The following TNFRSF25 variants were observed in gnomAD, a reference collection of about 807,000 sequenced individuals.
TNFRSF25 encodes tumor necrosis factor receptor superfamily member 25.
Under a neutral mutation model 49.4 loss-of-function variants are expected in TNFRSF25, and 28 were observed. The ratio of observed to expected loss-of-function variants is 0.57; its 90% confidence interval spans 0.42 to 0.78. The LOEUF (loss-of-function observed/expected upper bound fraction) is 0.78. Ranked by LOEUF, TNFRSF25 falls within the 30% of genes least tolerant of loss-of-function variation. The probability of loss-of-function intolerance (pLI) is 0.00; values close to 1 mark genes in which losing one functional copy is unlikely to be tolerated. For missense variants in TNFRSF25, 531 were observed against 581.6 expected (o/e 0.91, Z 0.90); for synonymous variants, 240 against 234.2 (o/e 1.02, Z -0.23).
rs763359221 is a variant in TNFRSF25 at position 6,461,605 on chromosome 1, G to T, written c.1083C>A (p.Ile361=). The T allele has an allele frequency of 1.2e-6, 2 of 1,610,044 alleles. No individual in the cohort carries two copies. Among genetic ancestry groups the T allele is most frequent in the East Asian group, 2.2e-5 (1 of 44,862 alleles). ...GGCCGATCTCCACCTCCACGGCTTC[G>T]ATCTCTGCCTCGCGCAGCCCCAGCG... ...VRTLGLREAE[I]EAVEVEIGRF... is the part of the protein sequence containing the mutation. Residue 361 remains isoleucine (I), a synonymous_variant, in exon 10 of 10, where the codon ATC becomes ATA. Coordinates refer to ENST00000356876, the MANE Select transcript of TNFRSF25 (RefSeq NM_003790.3). This position sits in a 1 kb window ranked among gnomAD's most constrained non-coding sequence, Gnocchi z 6.3.
chr1:6,462,740 AG>A lies in TNFRSF25; in HGVS notation c.707-75del. The stretch of plus-strand genomic sequence containing the variant: ...ACCTGGGTGCTGGTACAGCTCCTCT[AG>A]GGTTCCTCTGCACCCCACACTCCCT... On this transcript the variant is annotated intron_variant, in intron 7 of 9. Coordinates refer to ENST00000356876, the MANE Select transcript of TNFRSF25 (RefSeq NM_003790.3). This position sits in a 1 kb window ranked among gnomAD's most constrained non-coding sequence, Gnocchi z 4.2. 6.3e-7 allele frequency: 1 copy of A among 1,594,778 alleles called. No individual in the cohort carries two copies. Among genetic ancestry groups the A allele is most frequent in the Non-Finnish European group, 8.5e-7 (1 of 1,170,262 alleles).
At position 6,465,179 on chromosome 1, in the gene TNFRSF25, G is replaced by A. The variant is rs1312362010; in HGVS notation, c.204C>T (p.Ser68=). 2 of 1,613,564 alleles carry A rather than the reference G, an allele frequency of 1.2e-6. No individual in the cohort carries two copies. The highest frequency in any genetic ancestry group is 1.7e-6 in the Non-Finnish European group (2 of 1,179,950). The change falls in exon 3 of 10, where the codon TCC becomes TCT. Residue 68 remains serine (S), a synonymous_variant. Coordinates refer to ENST00000356876, the MANE Select transcript of TNFRSF25 (RefSeq NM_003790.3). The stretch of plus-strand genomic sequence containing the variant: ...TGTCTTGGGGACACACAAGGCAGGT[G>A]GAGTTGCCGCAGGGCTCCGTGCAAG... ...KAPCTEPCGN[S]TCLVCPQDTF... is the part of the protein sequence containing the mutation.
At chr1:6,464,238 C>T in intron 5 of TNFRSF25, 137 bp downstream of exon 5, 1 of 1,495,704 alleles carries the variant, frequency 6.7e-7, no homozygotes, top group Non-Finnish European at 8.9e-7. Flanking sequence ...TGAAGTGGGG[C>T]CCACCCATCA....
At chr1:6,465,289 C>G in intron 2 of TNFRSF25, 67 bp from the exon 3 acceptor site, 1 of 1,558,390 alleles carries the variant, frequency 6.4e-7, no homozygotes, top group Non-Finnish European at 8.7e-7. Context: ...TGCTTCCCAC[C>G]CTGCCCTCCC....
intron 5 of TNFRSF25, chr1:6,463,776 C>T (rs868654848): frequency 3.4e-5 from 5 of 145,514 alleles, no homozygotes; most frequent in Admixed American, 2.1e-4. Context: ...TACAGAAAGT[C>T]CCTTACCTCT....
chr1:6,462,843 G>T lies in TNFRSF25; in HGVS notation c.706+20C>A, dbSNP rs542789265. The T allele has an allele frequency of 6.3e-7, 1 of 1,595,984 alleles. No individual in the cohort carries two copies. The highest frequency in any genetic ancestry group is 1.1e-5 in the South Asian group (1 of 88,872). Reference sequence around the variant, plus strand: ...CCTGACCCCAGGCTTCTGGGTGCGTGTGTGGGTGTGTGTACTTACCAGTAA... The same window carrying T: ...CCTGACCCCAGGCTTCTGGGTGCGTTTGTGGGTGTGTGTACTTACCAGTAA... On this transcript the variant is annotated intron_variant, in intron 7 of 9. Coordinates refer to ENST00000356876, the MANE Select transcript of TNFRSF25 (RefSeq NM_003790.3). The surrounding 1 kb of genome is among the most constrained non-coding windows in gnomAD (Gnocchi z 4.2).
chr1:6,461,593 C>T lies in TNFRSF25; in HGVS notation c.1095G>A (p.Glu365=). Residue 365 remains glutamate, a synonymous_variant, in exon 10 of 10, where the codon GAG becomes GAA. Transcript: ENST00000356876. This position sits in a 1 kb window ranked among gnomAD's most constrained non-coding sequence, Gnocchi z 6.3. The stretch of plus-strand genomic sequence containing the variant: ...GGTCTCGGAAGCGGCCGATCTCCAC[C>T]TCCACGGCTTCGATCTCTGCCTCGC... ...GLREAEIEAV[E]VEIGRFRDQQ... 6.2e-7 allele frequency: 1 copy of T among 1,610,588 alleles called. No homozygotes were observed. Among genetic ancestry groups the T allele is most frequent in the South Asian group, 1.1e-5 (1 of 91,026 alleles).
At position 6,461,679 on chromosome 1, in the gene TNFRSF25, C is replaced by T. The variant is rs752686652; in HGVS notation, c.1009G>A (p.Asp337Asn). The change falls in exon 10 of 10, where the codon GAC (aspartate) becomes AAC (asparagine). Residue 337 changes from aspartate (D) to asparagine (N), a missense_variant. Coordinates refer to ENST00000356876, the MANE Select transcript of TNFRSF25 (RefSeq NM_003790.3). This position sits in a 1 kb window ranked among gnomAD's most constrained non-coding sequence, Gnocchi z 6.3. Reference sequence around the variant, plus strand: ...CGCGCTGGGACCGCGTCCATCACGTCGTAGAGCTGCGGGCCCGGCTGCAGC... The same window carrying T: ...CGCGCTGGGACCGCGTCCATCACGTTGTAGAGCTGCGGGCCCGGCTGCAGC... ...MMLQPGPQLYDVMDAVPARRW... is the reference protein window; with the variant it reads ...MMLQPGPQLYNVMDAVPARRW... 1.9e-6 allele frequency: 3 copies of T among 1,587,836 alleles called. No homozygotes were observed. Among genetic ancestry groups the T allele is most frequent in the African/African-American group, 2.7e-5 (2 of 74,586 alleles).
rs370819165 is a variant in TNFRSF25, at chr1:6,462,689, G to A, written c.707-23C>T. 115 of 1,612,344 alleles carry A rather than the reference G, an allele frequency of 7.1e-5. No individual in the cohort carries two copies. Among genetic ancestry groups the A allele is most frequent in the Non-Finnish European group, 9.0e-5 (106 of 1,179,188 alleles). ...CTGCTGACAGACACAGAGAGATTGC[G>A]GTCAGCCACCAGGCAAGCCTCCTGG... On this transcript the variant is annotated intron_variant, in intron 7 of 9. Coordinates refer to ENST00000356876, the MANE Select transcript of TNFRSF25 (RefSeq NM_003790.3). This position sits in a 1 kb window ranked among gnomAD's most constrained non-coding sequence, Gnocchi z 4.2.
At position 6,462,779 on chromosome 1, in the gene TNFRSF25, C is replaced by A; in HGVS notation, c.706+84G>T. 1 of 1,567,716 alleles carries A rather than the reference C, an allele frequency of 6.4e-7. No homozygotes were observed. Among genetic ancestry groups the A allele is most frequent in the South Asian group, 1.2e-5 (1 of 84,302 alleles). On this transcript the variant is annotated intron_variant, in intron 7 of 9. Transcript: ENST00000356876. This position sits in a 1 kb window ranked among gnomAD's most constrained non-coding sequence, Gnocchi z 4.2. ...CCCCACACTCCCTGCCTCAGTTTCC[C>A]CTTCTGTATCAGGGTTGAGTAGACT...
chr1:6,465,442 G>T lies in TNFRSF25; in HGVS notation c.158C>A (p.Ala53Glu). Residue 53 changes from alanine to glutamate, a missense_variant and splice_region_variant, in exon 2 of 10, where the codon GCG (alanine) becomes GAG (glutamate). Ala to Glu is a moderately radical substitution (Grantham distance 107, BLOSUM62 -1). Transcript: ENST00000356876. Reference protein sequence around the residue: ...IGLFCCRGCPAGHYLKAPCTE... With the variant: ...IGLFCCRGCPEGHYLKAPCTE... ...CTCCCACCCCTGTGGCCACTTACCC[G>T]CTGGGCAGCCTCTGCAACAAAACAG... 11 of 1,613,866 alleles carry T rather than the reference G, an allele frequency of 6.8e-6. No homozygotes were observed. Among genetic ancestry groups the T allele is most frequent in the Non-Finnish European group, 9.3e-6 (11 of 1,179,986 alleles).
Position 6,461,779 on chromosome 1 carries a change from G to T in TNFRSF25, c.926-17C>A. The T allele has an allele frequency of 6.7e-7, 1 of 1,502,738 alleles. No homozygotes were observed. The highest frequency in any genetic ancestry group is 8.9e-7 in the Non-Finnish European group (1 of 1,127,158). 93.1% of individuals were successfully genotyped at this position (1,502,738 alleles called of 1,614,324 possible). A position where few individuals can be genotyped will look rare whatever the true frequency, so the allele number is the denominator to read the frequency against. The stretch of plus-strand genomic sequence containing the variant: ...CAGCGGGGCCTGGGGCAGGGCCAGA[G>T]AGAGCCAATTGGGGTACGTGGGCCG... On this transcript the variant is annotated splice_polypyrimidine_tract_variant and intron_variant, in intron 9 of 9. Coordinates refer to ENST00000356876, the MANE Select transcript of TNFRSF25 (RefSeq NM_003790.3). The surrounding 1 kb of genome is among the most constrained non-coding windows in gnomAD (Gnocchi z 6.3).
intron 5 of TNFRSF25, chr1:6,463,454 C>T (rs71539702): frequency 8.0e-5 from 27 of 336,626 alleles, no homozygotes; most frequent in East Asian, 7.5e-4. Context: ...AGGCCGGGCG[C>T]GGTGGCTCAT....
In TNFRSF25 at chr1:6,464,683, G is replaced by A; in HGVS notation, c.332C>T (p.Ala111Val). The A allele has an allele frequency of 6.2e-7, 1 of 1,613,986 alleles. No individual in the cohort carries two copies. The highest frequency in any genetic ancestry group is 8.5e-7 in the Non-Finnish European group (1 of 1,180,034). ...QVALENCSAVADTRCGCKPGW... is the reference protein window; with the variant it reads ...QVALENCSAVVDTRCGCKPGW... Reference sequence around the variant, plus strand: ...TGGCTTACAGCCACAGCGGGTGTCGGCCACTGCTGAACAGTTCTCCAGCGC... The same window carrying A: ...TGGCTTACAGCCACAGCGGGTGTCGACCACTGCTGAACAGTTCTCCAGCGC... Residue 111 changes from alanine (A) to valine (V), a missense_variant, in exon 4 of 10, where the codon GCC becomes GTC. Transcript: ENST00000356876.
chr1:6,465,382 C>G, intron 2 of TNFRSF25, 58 bp downstream of exon 2: 1 of 1,609,026 alleles, frequency 6.2e-7, no homozygotes, highest in East Asian at 2.2e-5. Context: ...CCCGGGCCTG[C>G]CCGCCACCTC....
intron 5 of TNFRSF25, 133 bp from the exon 6 acceptor site, chr1:6,463,260 T>A (rs538234813): frequency 2.4e-6 from 2 of 823,850 alleles, no homozygotes; most frequent in Non-Finnish European, 3.8e-6. Context: ...AGAATGTTCC[T>A]GTCATTGTGT....
chr1:6,461,536 C>T lies in TNFRSF25; in HGVS notation c.1152G>A (p.Gln384=), dbSNP rs1418190461. ...QQYEMLKRWR[Q]QQPAGLGAVY... Reference sequence around the variant, plus strand: ...CGGCTCCGAGGCCCGCGGGCTGCTGCTGGCGCCAGCGCTTGAGCATCTCGT... The same window carrying T: ...CGGCTCCGAGGCCCGCGGGCTGCTGTTGGCGCCAGCGCTTGAGCATCTCGT... The change falls in exon 10 of 10, where the codon CAG becomes CAA. Residue 384 remains glutamine (Q), a synonymous_variant. Coordinates refer to ENST00000356876, the MANE Select transcript of TNFRSF25 (RefSeq NM_003790.3). The surrounding 1 kb of genome is among the most constrained non-coding windows in gnomAD (Gnocchi z 6.3). 1.2e-6 allele frequency: 2 copies of T among 1,607,822 alleles called. No homozygotes were observed. Among genetic ancestry groups the T allele is most frequent in the Non-Finnish European group, 8.5e-7 (1 of 1,178,852 alleles).
rs1644192096 is a variant in TNFRSF25 at position 6,462,071 on chromosome 1, G to C, written c.848C>G (p.Pro283Arg). ...TVQLVGNSWT[P>R]GYPETQEALC... ...CGCCTCCTGGGTCTCGGGGTAGCCAGGGGTCCAGCTGTTACCCACCAACTG... is the reference window on the plus strand; with the variant it reads ...CGCCTCCTGGGTCTCGGGGTAGCCACGGGTCCAGCTGTTACCCACCAACTG... Residue 283 changes from proline (P) to arginine (R), a missense_variant, in exon 9 of 10, where the codon CCT (proline) becomes CGT (arginine). Physicochemically the swap from Pro to Arg is moderately radical, Grantham distance 103. Coordinates refer to ENST00000356876, the MANE Select transcript of TNFRSF25 (RefSeq NM_003790.3). This position sits in a 1 kb window ranked among gnomAD's most constrained non-coding sequence, Gnocchi z 4.2. The C allele has an allele frequency of 1.9e-6, 3 of 1,613,744 alleles. No homozygotes were observed. The highest frequency in any genetic ancestry group is 2.2e-5 in the South Asian group (2 of 91,076).
Position 6,463,060 on chromosome 1 carries a change from C to T in TNFRSF25, c.598+12G>A. The T allele has an allele frequency of 2.6e-6, 4 of 1,552,048 alleles. No individual in the cohort carries two copies. Among genetic ancestry groups the T allele is most frequent in the Non-Finnish European group, 3.5e-6 (4 of 1,147,180 alleles). On this transcript the variant is annotated intron_variant, in intron 6 of 9. Transcript: ENST00000356876. Reference sequence around the variant, plus strand: ...CCAGTTCTCCCACTCGCATTCCCAGCACACCACCTACTCTGCCTCCAGCCA... The same window carrying T: ...CCAGTTCTCCCACTCGCATTCCCAGTACACCACCTACTCTGCCTCCAGCCA...
Sources: allele counts gnomAD v4.1 joint callset, GRCh38; gene constraint gnomAD v4.1.1; non-coding constraint Gnocchi (gnomAD v3.1); transcripts MANE v1.5; gene names NCBI Gene and HGNC (gene_info 2026-07-23, HGNC 2026-07-21).